The following SEC14L6 variants were observed in gnomAD, a reference collection of about 807,000 sequenced individuals.
SEC14L6 encodes SEC14-like protein 6.
Under a neutral mutation model 54.1 loss-of-function variants are expected in SEC14L6, and 40 were observed. The observed-to-expected ratio is 0.74, with a 90% CI of 0.57 to 0.96. The LOEUF (loss-of-function observed/expected upper bound fraction) is 0.96, where lower values mean the gene tolerates loss of function less well. Ranked by LOEUF, SEC14L6 falls within the 40% of genes least tolerant of loss-of-function variation. The pLI is 0.00. For synonymous variants in SEC14L6, 171 were observed against 198.4 expected, an observed-to-expected ratio of 0.86 and a Z score of 1.16; for missense variants, 471 against 498.3, an observed-to-expected ratio of 0.95 and a Z score of 0.52.
intron 1 of SEC14L6, chr22:30,543,788 C>T: frequency 6.6e-7 from 1 of 1,525,524 alleles, no homozygotes; most frequent in Non-Finnish European, 9.1e-7. Context: ...TCCACTTCTT[C>T]TACAAGGTTG....
chr22:30,531,310 G>C (rs143449388), intron 6 of SEC14L6, among the ~76,000 whole-genome samples: 2,574 of 152,096 alleles, frequency 0.017, 44 homozygotes, highest in Middle Eastern at 0.044. Flanking sequence ...CGAAGGCTGA[G>C]GCAGGAGAGT....
At chr22:30,544,853 C>A (rs976701075) in intron 1 of SEC14L6, among the ~76,000 whole-genome samples, 1 of 152,132 alleles carries the variant, frequency 6.6e-6, no homozygotes, top group African/African-American at 2.4e-5. Context: ...AAATGTGAAA[C>A]GTGCAATCTT....
chr22:30,532,849 T>G lies in SEC14L6; in HGVS notation c.182A>C (p.Glu61Ala), dbSNP rs538798425. The G allele has an allele frequency of 4.0e-5, 64 of 1,613,556 alleles. No individual in the cohort carries two copies. In the East Asian group the frequency reaches 1.4e-3, roughly 35 times the overall value. The change falls in exon 4 of 12, where the codon GAG (glutamate) becomes GCG (alanine). Residue 61 changes from glutamate to alanine, a missense_variant. Coordinates refer to ENST00000402034, the MANE Select transcript of SEC14L6 (RefSeq NM_001193336.4). ...GGCCAGGTCTTGTTGCTTCCGGAAC[T>G]CCATATGCTGCAGAGACACGGCAGG... ...KSEDMLRKHM[E>A]FRKQQDLANI...
In SEC14L6 at chr22:30,534,059, T is replaced by A; in HGVS notation, c.131-20A>T. 1.3e-6 allele frequency: 2 copies of A among 1,550,696 alleles called. No homozygotes were observed. Among genetic ancestry groups the A allele is most frequent in the South Asian group, 1.2e-5 (1 of 84,038 alleles). On this transcript the variant is annotated intron_variant, in intron 2 of 11. Coordinates refer to ENST00000402034, the MANE Select transcript of SEC14L6 (RefSeq NM_001193336.4). The stretch of plus-strand genomic sequence containing the variant: ...TCCGAGCTGCAACAAGAGACAGGGT[T>A]ATGGTTGTGGAATTCTAGAGGCTCA...
chr22:30,527,714 CAAAAAAAAAA>C (rs778118906), intron 8 of SEC14L6, among the ~76,000 whole-genome samples: 1 of 30,144 alleles, frequency 3.3e-5, no homozygotes, highest in Non-Finnish European at 7.3e-5. Context: ...GACCTTGTCT[CAAAAAAAAAA>C]AAAAAAAAAA....
In SEC14L6 at chr22:30,524,267, G is replaced by A. The variant is rs1403120943; in HGVS notation, c.*730C>T. On this transcript the variant is annotated 3_prime_UTR_variant, in exon 12 of 12. Coordinates refer to ENST00000402034, the MANE Select transcript of SEC14L6 (RefSeq NM_001193336.4). ...TGGGGACCCCTCCTCTTCCCCCTAT[G>A]GCACAGCGGCCCCTCCTCTTGGGAA... is the stretch of plus-strand genomic sequence containing the variant. 1 of 152,156 alleles carries A rather than the reference G, an allele frequency of 6.6e-6. No individual in the cohort carries two copies. 9.4% of individuals were successfully genotyped at this position (152,156 alleles called of 1,614,324 possible). A position where few individuals can be genotyped will look rare whatever the true frequency, so the allele number is the denominator to read the frequency against.
intron 3 of SEC14L6, 57 bp from the exon 4 acceptor site, chr22:30,532,913 G>T: frequency 6.3e-7 from 1 of 1,589,478 alleles, no homozygotes; most frequent in Admixed American, 1.8e-5. Context: ...GACCTCTGTG[G>T]ATACCTGGGG....
chr22:30,529,002 G>A (rs1236058413), intron 8 of SEC14L6, 85 bp downstream of exon 8: 22 of 1,221,320 alleles, frequency 1.8e-5, no homozygotes, highest in Non-Finnish European at 2.2e-5. Flanking sequence ...TACACCTTCG[G>A]ATGCAGGAAC....
intron 3 of SEC14L6, 46 bp from the exon 4 acceptor site, chr22:30,532,902 A>G: frequency 6.3e-7 from 1 of 1,599,958 alleles, no homozygotes; most frequent in South Asian, 1.1e-5. Context: ...CCTGTCCCAA[A>G]GACCTCTGTG....
rs1051720622 is a variant in SEC14L6, at chr22:30,524,111, A to G, written c.*886T>C. The G allele has an allele frequency of 3.3e-5, 5 of 152,200 alleles. No individual in the cohort carries two copies. The highest frequency in any genetic ancestry group is 7.3e-5 in the Non-Finnish European group (5 of 68,052). The allele number at this position is 152,200 out of a possible 1,614,324, so 9.4% of individuals were successfully genotyped here. ...TCCACGGAGCCTGCTGAAATTATTC[A>G]AACTAGCAAATCTCAAGCCTGCTTA... On this transcript the variant is annotated 3_prime_UTR_variant, in exon 12 of 12. Transcript: ENST00000402034.
At chr22:30,532,387 C>T in intron 5 of SEC14L6, 138 bp downstream of exon 5, 4 of 1,319,812 alleles carry the variant, frequency 3.0e-6, no homozygotes, top group Non-Finnish European at 4.0e-6. Flanking sequence ...TCCTTGGCCT[C>T]TCTGAACCTG....
rs1460198144 is a variant in SEC14L6 at position 30,525,868 on chromosome 22, C to A, written c.729G>T (p.Gly243=). Residue 243 remains glycine, a synonymous_variant, in exon 9 of 12, where the codon GGG becomes GGT. Coordinates refer to ENST00000402034, the MANE Select transcript of SEC14L6 (RefSeq NM_001193336.4). ...GGTTGCCATCGGGGTCAGTCATGGT[C>A]CCCCCAAACTCCACGGGCAGCTGGT... ...SPDQLPVEFG[G]TMTDPDGNPK... 14 of 1,613,610 alleles carry A rather than the reference C, an allele frequency of 8.7e-6. No homozygotes were observed. The Admixed American group carries it at 1.0e-4, about 12-fold the overall frequency.
At chr22:30,530,358 C>T (rs925352438) in intron 6 of SEC14L6, among the ~76,000 whole-genome samples, 1 of 152,136 alleles carries the variant, frequency 6.6e-6, no homozygotes, top group Non-Finnish European at 1.5e-5. Context: ...TGCAGTGAGC[C>T]ACTGCACTCT....
At position 30,546,720 on chromosome 22, in the gene SEC14L6, C is replaced by T; in HGVS notation, c.-38G>A. 1 of 1,533,996 alleles carries T rather than the reference C, an allele frequency of 6.5e-7. No individual in the cohort carries two copies. The highest frequency in any genetic ancestry group is 1.2e-5 in the South Asian group (1 of 83,380). On this transcript the variant is annotated 5_prime_UTR_variant, in exon 1 of 12. Coordinates refer to ENST00000402034, the MANE Select transcript of SEC14L6 (RefSeq NM_001193336.4). ...TGGGTCCAGGCTCCACTCTGTGGCT[C>T]CCTCCAGGTGGCCTGCCTTTTGCCA... is the stretch of plus-strand genomic sequence containing the variant.
intron 2 of SEC14L6, among the ~76,000 whole-genome samples, chr22:30,535,879 T>A (rs1937123685): frequency 8.6e-6 from 1 of 116,478 alleles, no homozygotes; most frequent in South Asian, 2.9e-4. Flanking sequence ...CCTGGCTAAG[T>A]TTTTTGTGTT....
rs919061400 is a variant in SEC14L6 at position 30,543,462 on chromosome 22, G to A, written c.54+3167C>T. On this transcript the variant is annotated intron_variant, in intron 1 of 11. Transcript: ENST00000402034. Reference sequence around the variant, plus strand: ...ACGGCAATGTGTCCCGGACAGAAACGGCCTCAACTCTTACAGAGAACAAGG... The same window carrying A: ...ACGGCAATGTGTCCCGGACAGAAACAGCCTCAACTCTTACAGAGAACAAGG... The A allele has an allele frequency of 6.2e-6, 10 of 1,611,986 alleles. No homozygotes were observed. The Admixed American group carries it at 1.0e-4, about 16-fold the overall frequency.
At position 30,539,320 on chromosome 22, in the gene SEC14L6, T is replaced by C. The variant is rs144156427; in HGVS notation, c.55-418A>G. ...TAAACCCAGGAGGCGGAGGTTGCAG[T>C]GAGCCGAGATCCCACCATTGCACTC... On this transcript the variant is annotated intron_variant, in intron 1 of 11. Coordinates refer to ENST00000402034, the MANE Select transcript of SEC14L6 (RefSeq NM_001193336.4). Among the ~76,000 whole-genome samples the C allele has an allele frequency of 7.2e-3, 1,094 of 151,948 alleles. 10 individuals carry two copies. Among genetic ancestry groups the C allele is most frequent in the African/African-American group, 0.025 (1,030 of 41,394 alleles).
chr22:30,543,361 G>A, intron 1 of SEC14L6: 1 of 1,575,592 alleles, frequency 6.3e-7, no homozygotes, highest in Non-Finnish European at 8.7e-7. Flanking sequence ...GCCCATGAGG[G>A]CAGAGAACCA....
intron 2 of SEC14L6, among the ~76,000 whole-genome samples, chr22:30,535,837 A>G (rs1937122636): frequency 6.6e-6 from 1 of 150,838 alleles, no homozygotes; most frequent in Admixed American, 6.6e-5. Context: ...CAGCCTCCCC[A>G]GTAGCTGGGA....
Sources: gnomAD v4.1 joint callset for allele counts (sites outside exome capture counted in the v4.1 genomes callset) on GRCh38, gnomAD v4.1.1 for gene constraint, MANE v1.5 for transcripts, NCBI Gene and HGNC (gene_info 2026-07-23, HGNC 2026-07-21) for gene names.